PLXND1: variants seen among roughly 807,000 people sequenced by gnomAD.
PLXND1 encodes the protein plexin-D1.
A neutral mutation model predicts 197.7 loss-of-function variants in PLXND1; 54 were observed. The observed-to-expected ratio is 0.27, with a 90% CI of 0.22 to 0.34. The LOEUF is 0.34. PLXND1 is among the 10% of genes least tolerant of loss of function. The probability of loss-of-function intolerance (pLI) is 1.00; values close to 1 mark genes in which losing one functional copy is unlikely to be tolerated. For synonymous variants in PLXND1, 1,180 were observed against 1,161.2 expected (o/e 1.02, Z -0.33); for missense variants, 2,127 against 2,699.2 (o/e 0.79, Z 4.70).
chr3:129,584,972 C>T (rs1030855630), intron 5 of PLXND1, among the ~76,000 whole-genome samples: 5 of 152,166 alleles, frequency 3.3e-5, no homozygotes, highest in Non-Finnish European at 5.9e-5. Flanking sequence ...TGTCTGCACC[C>T]ACAACCCGCT....
intron 34 of PLXND1, 99 bp from the exon 35 acceptor site, chr3:129,556,790 C>T (rs1026178424): frequency 2.4e-5 from 21 of 871,554 alleles, no homozygotes; most frequent in African/African-American, 2.2e-4. Flanking sequence ...CAACTCCCCA[C>T]GGCCCCCACA....
chr3:129,571,267 G>T lies in PLXND1; in HGVS notation c.3373C>A (p.Pro1125Thr). 1 of 1,613,816 alleles carries T rather than the reference G, an allele frequency of 6.2e-7. No individual in the cohort carries two copies. The highest frequency in any genetic ancestry group is 2.2e-5 in the East Asian group (1 of 44,886). The change falls in exon 18 of 36, where the codon CCG becomes ACG. Residue 1125 changes from proline (P) to threonine (T), a missense_variant. Physicochemically the swap from Pro to Thr is conservative, Grantham distance 38. Around this residue, in one of 6 missense-constraint regions of PLXND1, gnomAD observed 532 missense variants for 811.0 expected, o/e 0.66. Coordinates refer to ENST00000324093, the MANE Select transcript of PLXND1 (RefSeq NM_015103.3). Reference protein sequence around the residue: ...KVLNSTLITCPSPGALSNASA... With the variant: ...KVLNSTLITCTSPGALSNASA... ...GCGTTGCTCAGGGCCCCGGGGGACG[G>T]GCAGGTGATGAGGGTGGAGTTGAGA...
rs1232169728 is a variant in PLXND1, at chr3:129,555,653, T to C, written c.*659A>G. On this transcript the variant is annotated 3_prime_UTR_variant, in exon 36 of 36. Transcript: ENST00000324093. ...CCTCTCCTTTTCCTGGAGACGGGGC[T>C]CCCAGCTCCTGTGCCCCCCATCCCT... 1.1e-5 allele frequency: 6 copies of C among 545,016 alleles called. No individual in the cohort carries two copies. Among genetic ancestry groups the C allele is most frequent in the Non-Finnish European group, 1.9e-5 (6 of 312,528 alleles). The allele number at this position is 545,016 out of a possible 1,614,324, so 33.8% of individuals were successfully genotyped here. A position where few individuals can be genotyped will look rare whatever the true frequency, so the allele number is the denominator to read the frequency against.
At position 129,605,330 on chromosome 3, in the gene PLXND1, T is replaced by C; in HGVS notation, c.1310A>G (p.Gln437Arg). 2 of 1,414,082 alleles carry C rather than the reference T, an allele frequency of 1.4e-6. No homozygotes were observed. Among genetic ancestry groups the C allele is most frequent in the Non-Finnish European group, 1.8e-6 (2 of 1,087,356 alleles). 87.6% of individuals were successfully genotyped at this position (1,414,082 alleles called of 1,614,324 possible). Residue 437 changes from glutamine (Q) to arginine (R), a missense_variant and splice_region_variant, in exon 1 of 36, where the codon CAG becomes CGG. Coordinates refer to ENST00000324093, the MANE Select transcript of PLXND1 (RefSeq NM_015103.3). ...GPACERKLNIQLQPEQLDCGA... is the reference protein window; with the variant it reads ...GPACERKLNIRLQPEQLDCGA... Reference sequence around the variant, plus strand: ...GCCGCCGCCACCGCCCGGGTGTACCTGGATGTTGAGCTTGCGCTCACAGGC... The same window carrying C: ...GCCGCCGCCACCGCCCGGGTGTACCCGGATGTTGAGCTTGCGCTCACAGGC...
intron 13 of PLXND1, 60 bp from the exon 14 acceptor site, chr3:129,573,001 A>T: frequency 8.3e-7 from 1 of 1,204,524 alleles, no homozygotes; most frequent in Admixed American, 1.8e-5. Flanking sequence ...CCCTAGAGCC[A>T]GGCTCAGGGA....
intron 25 of PLXND1, among the ~76,000 whole-genome samples, chr3:129,563,906 A>G (rs1401891723): frequency 3.9e-5 from 6 of 152,280 alleles, no homozygotes; most frequent in Non-Finnish European, 8.8e-5. Flanking sequence ...TAATAGTATT[A>G]GGCAGATTTG....
At chr3:129,583,441 C>A (rs1483911509) in intron 8 of PLXND1, 126 bp downstream of exon 8, 7 of 645,110 alleles carry the variant, frequency 1.1e-5, no homozygotes. Flanking sequence ...GTGATGAGCC[C>A]CATATAGCTG....
At position 129,571,759 on chromosome 3, in the gene PLXND1, C is replaced by A. The variant is rs1391429645; in HGVS notation, c.3163G>T (p.Gly1055Cys). Residue 1055 changes from glycine (G) to cysteine (C), a missense_variant, in exon 16 of 36, where the codon GGC (glycine) becomes TGC (cysteine). Around this residue, in one of 6 missense-constraint regions of PLXND1, gnomAD observed 1,095 missense variants for 1,259.8 expected, o/e 0.87. Transcript: ENST00000324093. ...VPVCVRFERR[G>C]CVHGNLTFWY... is the part of the protein sequence containing the mutation. Reference sequence around the variant, plus strand: ...AAGGTGAGGTTGCCGTGCACGCAGCCCCGACGCTCGAAGCGCACACACACA... The same window carrying A: ...AAGGTGAGGTTGCCGTGCACGCAGCACCGACGCTCGAAGCGCACACACACA... The A allele has an allele frequency of 6.2e-7, 1 of 1,613,258 alleles. No individual in the cohort carries two copies. Among genetic ancestry groups the A allele is most frequent in the Non-Finnish European group, 8.5e-7 (1 of 1,179,932 alleles).
chr3:129,589,307 G>GCCGGGGGCCCCCCCCCCCCC, intron 2 of PLXND1, 44 bp downstream of exon 2: 1 of 684,688 alleles, frequency 1.5e-6, no homozygotes, highest in Non-Finnish European at 2.6e-6. Context: ...TCCCAGGGGA[G>GCCGGGGGCCCCCCCCCCCCC]CCTCCCACCC....
chr3:129,595,352 G>T (rs1029790712), intron 1 of PLXND1, among the ~76,000 whole-genome samples: 1 of 152,218 alleles, frequency 6.6e-6, no homozygotes. Context: ...GGACGGACTC[G>T]GTCCTGGGTG....
chr3:129,592,380 T>G (rs2811451), intron 1 of PLXND1, among the ~76,000 whole-genome samples: 7,980 of 152,334 alleles, frequency 0.052, 282 homozygotes, highest in East Asian at 0.11. Flanking sequence ...CTTGCATCAT[T>G]TAAAAATAAG....
In PLXND1 at chr3:129,555,935, G is replaced by T; in HGVS notation, c.*377C>A. ...AGAGTTTCTGGGCTGCAGCCTCCGG[G>T]CTGGCGGCCTCCTCTCCCCCAGTTT... On this transcript the variant is annotated 3_prime_UTR_variant, in exon 36 of 36. Coordinates refer to ENST00000324093, the MANE Select transcript of PLXND1 (RefSeq NM_015103.3). The T allele has an allele frequency of 3.4e-6, 1 of 293,378 alleles. No individual in the cohort carries two copies. Among genetic ancestry groups the T allele is most frequent in the South Asian group, 5.0e-5 (1 of 19,804 alleles). 18.2% of individuals were successfully genotyped at this position (293,378 alleles called of 1,614,324 possible).
In PLXND1 at chr3:129,574,431, C is replaced by T. The variant is rs561056194; in HGVS notation, c.2590G>A (p.Asp864Asn). The change falls in exon 12 of 36, where the codon GAC (aspartate) becomes AAC (asparagine). Residue 864 changes from aspartate (D) to asparagine (N), a missense_variant. Asp to Asn is a conservative substitution (Grantham distance 23). This residue lies in a region of PLXND1 where 1,095 missense variants were observed against 1,259.8 expected (regional missense o/e 0.87). Coordinates refer to ENST00000324093, the MANE Select transcript of PLXND1 (RefSeq NM_015103.3). ...CTCCACATGCACAGGTGACCCAGGT[C>T]TTCGCGGCCCAGGCACTGGGAACAG... is the stretch of plus-strand genomic sequence containing the variant. ...PDCSQCLGREDLGHLCMWSDG... is the reference protein window; with the variant it reads ...PDCSQCLGRENLGHLCMWSDG... 10 of 1,613,124 alleles carry T rather than the reference C, an allele frequency of 6.2e-6. No homozygotes were observed. In the South Asian group the frequency reaches 8.8e-5, roughly 14 times the overall value.
rs745664099 is a variant in PLXND1 at position 129,584,157 on chromosome 3, G to A, written c.2106C>T (p.Cys702=). 2 of 1,570,142 alleles carry A rather than the reference G, an allele frequency of 1.3e-6. No individual in the cohort carries two copies. Among genetic ancestry groups the A allele is most frequent in the Non-Finnish European group, 8.7e-7 (1 of 1,156,002 alleles). ...GGGGGTACACTTGTGCAGTGCGGCT[G>A]CAGTCGTAGATGGTGAAATTGGCCT... is the stretch of plus-strand genomic sequence containing the variant. ...IVKANFTIYD[C]SRTAQVYPHT... is the part of the protein sequence containing the mutation. Residue 702 remains cysteine (C), a synonymous_variant, in exon 7 of 36, where the codon TGC becomes TGT. Transcript: ENST00000324093.
chr3:129,596,714 T>C (rs1234303646), intron 1 of PLXND1, among the ~76,000 whole-genome samples: 1 of 152,122 alleles, frequency 6.6e-6, no homozygotes, highest in Non-Finnish European at 1.5e-5. Context: ...ACTTGGAGGT[T>C]CGATCTCACA....
rs748826691 is a variant in PLXND1 at position 129,586,734 on chromosome 3, G to A, written c.1489-15C>T. ...TTCAGGTTGATCTGTGGGGGTAGTG[G>A]GCATCAGGGTGCTGGAGCCCATAGC... On this transcript the variant is annotated splice_polypyrimidine_tract_variant and intron_variant, in intron 2 of 35. Coordinates refer to ENST00000324093, the MANE Select transcript of PLXND1 (RefSeq NM_015103.3). 1.9e-6 allele frequency: 3 copies of A among 1,598,216 alleles called. No individual in the cohort carries two copies. Among genetic ancestry groups the A allele is most frequent in the African/African-American group, 1.3e-5 (1 of 74,870 alleles).
At chr3:129,565,631 A>G in intron 24 of PLXND1, 93 bp from the exon 25 acceptor site, 1 of 1,162,246 alleles carries the variant, frequency 8.6e-7, no homozygotes, top group Non-Finnish European at 1.2e-6. Flanking sequence ...GGGCCCATCG[A>G]TCCCAGGAGT....
Position 129,606,402 on chromosome 3 carries a change from A to G in PLXND1, c.238T>C (p.Tyr80His), listed in dbSNP as rs764117806. Residue 80 changes from tyrosine to histidine, a missense_variant, in exon 1 of 36, where the codon TAT becomes CAT. Coordinates refer to ENST00000324093, the MANE Select transcript of PLXND1 (RefSeq NM_015103.3). ...TVYLAAVNRLYQLSGANLSLE... is the reference protein window; with the variant it reads ...TVYLAAVNRLHQLSGANLSLE... Reference sequence around the variant, plus strand: ...CTCAGGTTGGCGCCCGACAGCTGATAGAGGCGGTTGACGGCCGCCAGGTAC... The same window carrying G: ...CTCAGGTTGGCGCCCGACAGCTGATGGAGGCGGTTGACGGCCGCCAGGTAC... 2.0e-6 allele frequency: 3 copies of G among 1,475,720 alleles called. No homozygotes were observed. Among genetic ancestry groups the G allele is most frequent in the East Asian group, 5.5e-5 (2 of 36,244 alleles). The allele number at this position is 1,475,720 out of a possible 1,614,324, so 91.4% of individuals were successfully genotyped here. A position where few individuals can be genotyped will look rare whatever the true frequency, so the allele number is the denominator to read the frequency against.
intron 1 of PLXND1, among the ~76,000 whole-genome samples, chr3:129,598,875 C>G (rs1028975335): frequency 1.3e-5 from 2 of 152,188 alleles, no homozygotes; most frequent in South Asian, 4.1e-4. Context: ...TCTGTTTCCC[C>G]TTCCATAGAC....
Sources: gnomAD v4.1 joint callset for allele counts (sites outside exome capture counted in the v4.1 genomes callset) on GRCh38, gnomAD v4.1.1 for gene constraint, gnomAD v4.1.1 regional missense constraint, MANE v1.5 for transcripts, NCBI Gene and HGNC (gene_info 2026-07-23, HGNC 2026-07-21) for gene names.